Variants in CALR3 observed in about 807,000 individuals in gnomAD.
The protein encoded by CALR3 is calreticulin 3.
Under a neutral mutation model 48.7 loss-of-function variants are expected in CALR3, and 39 were observed. The ratio of observed to expected loss-of-function variants is 0.80; its 90% CI spans 0.62 to 1.05. The LOEUF is 1.05. Among genes scored for constraint, CALR3 ranks in the 50% least tolerant of loss-of-function variants. The probability of loss-of-function intolerance (pLI) is 0.00; values close to 1 mark genes in which losing one functional copy is unlikely to be tolerated. For synonymous variants in CALR3, 185 were observed against 172.7 expected (o/e 1.07, Z -0.56); for missense variants, 449 against 474.7 (o/e 0.95, Z 0.50).
intron 7 of CALR3, 108 bp downstream of exon 7, chr19:16,482,342 G>A: frequency 2.0e-6 from 3 of 1,486,428 alleles, no homozygotes; most frequent in Admixed American, 1.9e-5. Flanking sequence ...TGGTGCCACT[G>A]CACTCCAGCC....
At position 16,479,274 on chromosome 19, in the gene CALR3, C is replaced by T. The variant is rs1464373986; in HGVS notation, c.1012G>A (p.Gly338Ser). ...ATGGCATCCATCTCCCTTTCTGGACCCTGGAGAAAGAAAGAAAAAACATAA... is the reference window on the plus strand; with the variant it reads ...ATGGCATCCATCTCCCTTTCTGGACTCTGGAGAAAGAAAGAAAAAACATAA... ...FGKATWGETK[G>S]PEREMDAIQA... The change falls in exon 9 of 9, where the codon GGT (glycine) becomes AGT (serine). Residue 338 changes from glycine to serine, a missense_variant and splice_region_variant. Physicochemically the swap from Gly to Ser is moderately conservative, Grantham distance 56. Coordinates refer to ENST00000269881, the MANE Select transcript of CALR3 (RefSeq NM_145046.5). 1 of 1,613,810 alleles carries T rather than the reference C, an allele frequency of 6.2e-7. No individual in the cohort carries two copies.
chr19:16,495,094 C>T (rs540373220), intron 2 of CALR3, among the ~76,000 whole-genome samples: 5 of 151,974 alleles, frequency 3.3e-5, no homozygotes, highest in South Asian at 2.1e-4. Flanking sequence ...GGCATGGTGG[C>T]GCACGCTTGT....
rs3032114 is a variant in CALR3 at position 16,493,542 on chromosome 19, ATTTTTT to A, written c.193+2203_193+2208del. Among the ~76,000 whole-genome samples, 11 of 72,928 alleles carry A rather than the reference ATTTTTT, an allele frequency of 1.5e-4. No individual in the cohort carries two copies. The East Asian group carries it at 2.7e-3, about 18-fold the overall frequency. The allele number at this position is 72,928 out of a possible 152,430, so 47.8% of individuals were successfully genotyped here. A position where few individuals can be genotyped will look rare whatever the true frequency, so the allele number is the denominator to read the frequency against. Reference sequence around the variant, plus strand: ...TTGAATTAGCTCTCTTGAAGCTAGAATTTTTTTTTTTTTTTTTTTTTTTTTGAGACA... The same window carrying A: ...TTGAATTAGCTCTCTTGAAGCTAGAATTTTTTTTTTTTTTTTTTTGAGACA... On this transcript the variant is annotated intron_variant, in intron 2 of 8. Coordinates refer to ENST00000269881, the MANE Select transcript of CALR3 (RefSeq NM_145046.5).
chr19:16,493,195 T>C (rs544342404), intron 2 of CALR3, among the ~76,000 whole-genome samples: 1 of 152,330 alleles, frequency 6.6e-6, no homozygotes, highest in Non-Finnish European at 1.5e-5. Flanking sequence ...CCTCCTCTAT[T>C]TGTGACCACT....
intron 2 of CALR3, among the ~76,000 whole-genome samples, chr19:16,491,530 G>A (rs2093398083): frequency 6.6e-6 from 1 of 151,006 alleles, no homozygotes. Flanking sequence ...TGTAATCCCA[G>A]CACTTTGGGA....
rs201265595 is a variant in CALR3, at chr19:16,482,584, G to A, written c.787-3C>T. ...ATACCTTCTGGTTTCAGGCCATCCT[G>A]TATCAAAAAAACCATATGGGGTGGT... On this transcript the variant is annotated splice_region_variant and splice_polypyrimidine_tract_variant and intron_variant, in intron 6 of 8. Transcript: ENST00000269881. 1 of 1,613,978 alleles carries A rather than the reference G, an allele frequency of 6.2e-7. No individual in the cohort carries two copies. Among genetic ancestry groups the A allele is most frequent in the Non-Finnish European group, 8.5e-7 (1 of 1,180,024 alleles).
chr19:16,480,118 G>C (rs140465784), intron 8 of CALR3, among the ~76,000 whole-genome samples: 2,254 of 148,158 alleles, frequency 0.015, 139 homozygotes, highest in Admixed American at 0.12. Flanking sequence ...CAGGAGAATC[G>C]CTTGAACCGG....
In CALR3 at chr19:16,485,167, C is replaced by G. The variant is rs778791995; in HGVS notation, c.488G>C (p.Cys163Ser). Reference protein sequence around the residue: ...KYHENKKLIRCKVDGFTHLYT... With the variant: ...KYHENKKLIRSKVDGFTHLYT... The stretch of plus-strand genomic sequence containing the variant: ...TTTGAATACAAGAGCAGTTACCTTA[C>G]ACCTGATCAGTTTCTTGTTTTCGTG... The change falls in exon 4 of 9, where the codon TGT becomes TCT. Residue 163 changes from cysteine (C) to serine (S), a missense_variant. Transcript: ENST00000269881. The G allele has an allele frequency of 6.3e-7, 1 of 1,590,234 alleles. No homozygotes were observed. The highest frequency in any genetic ancestry group is 1.3e-5 in the African/African-American group (1 of 74,462).
intron 5 of CALR3, chr19:16,483,614 A>T (rs554919584): frequency 0.15 from 42,416 of 274,160 alleles, 3,594 homozygotes; most frequent in African/African-American, 0.2. Context: ...GGTATTCGGG[A>T]GGCTGAGGCA....
intron 4 of CALR3, 40 bp from the exon 5 acceptor site, chr19:16,484,155 C>T (rs1568485853): frequency 7.3e-6 from 10 of 1,360,568 alleles, no homozygotes; most frequent in South Asian, 2.5e-5. Context: ...ATTAAATCCT[C>T]AATTTCTTTT....
intron 3 of CALR3, among the ~76,000 whole-genome samples, chr19:16,489,814 C>A (rs2093394952): frequency 7.0e-6 from 1 of 143,740 alleles, no homozygotes; most frequent in African/African-American, 2.7e-5. Flanking sequence ...AAAACTCGGG[C>A]TCGAAACAAA....
chr19:16,480,833 T>A, intron 7 of CALR3, 127 bp from the exon 8 acceptor site: 1 of 757,240 alleles, frequency 1.3e-6, no homozygotes, highest in Non-Finnish European at 2.2e-6. Flanking sequence ...AGAGATGGGG[T>A]CTTGCTATGT....
chr19:16,495,608 G>C, intron 2 of CALR3, 143 bp downstream of exon 2: 1 of 634,194 alleles, frequency 1.6e-6, no homozygotes, highest in Non-Finnish European at 2.8e-6. Flanking sequence ...AACAAGGAAA[G>C]GAGCCCCTTA....
intron 3 of CALR3, among the ~76,000 whole-genome samples, chr19:16,489,827 CAAAAACA>C (rs1181713975): frequency 2.4e-4 from 4 of 16,982 alleles, no homozygotes; most frequent in African/African-American, 6.0e-4. Flanking sequence ...GAAACAAAAA[CAAAAACA>C]AAAACAAAAA....
chr19:16,483,416 G>C (rs1568485625), intron 5 of CALR3, among the ~76,000 whole-genome samples: 1 of 152,022 alleles, frequency 6.6e-6, no homozygotes, highest in Non-Finnish European at 1.5e-5. Context: ...AAAAATGATG[G>C]TGCAAAAAGT....
intron 3 of CALR3, among the ~76,000 whole-genome samples, chr19:16,488,643 A>G (rs1309070209): frequency 6.6e-6 from 1 of 151,876 alleles, no homozygotes; most frequent in Non-Finnish European, 1.5e-5. Context: ...CCTGAACTCC[A>G]GTGATCTGCC....
At chr19:16,489,495 G>A (rs994412786) in intron 3 of CALR3, among the ~76,000 whole-genome samples, 2 of 151,916 alleles carry the variant, frequency 1.3e-5, no homozygotes, top group African/African-American at 4.8e-5. Context: ...GGTGCATGCC[G>A]GTAATCCCAG....
chr19:16,495,913 A>G, intron 1 of CALR3, 61 bp from the exon 2 acceptor site: 2 of 1,579,920 alleles, frequency 1.3e-6, no homozygotes, highest in Non-Finnish European at 1.7e-6. Context: ...GGCTAAGGGA[A>G]GGGTGAAGGG....
At chr19:16,480,252 A>G (rs1200068028) in intron 8 of CALR3, among the ~76,000 whole-genome samples, 1 of 149,396 alleles carries the variant, frequency 6.7e-6, no homozygotes, top group Non-Finnish European at 1.5e-5. Flanking sequence ...GGAACCTGCC[A>G]ATATTAACCT....
Sources: allele counts gnomAD v4.1 joint callset (sites outside exome capture counted in the v4.1 genomes callset), GRCh38; gene constraint gnomAD v4.1.1; transcripts MANE v1.5; gene names NCBI Gene and HGNC (gene_info 2026-07-23, HGNC 2026-07-21).